PADI2: variants seen among roughly 807,000 people sequenced by gnomAD.
The protein encoded by PADI2 is peptidyl arginine deiminase 2, also known as protein-arginine deiminase type-2.
PADI2 carries 70 observed loss-of-function variants against 81.1 expected under a neutral mutation model. The ratio of observed to expected loss-of-function variants is 0.86; its 90% CI spans 0.71 to 1.05. The LOEUF (loss-of-function observed/expected upper bound fraction) is 1.05, where lower values mean the gene tolerates loss of function less well. Among genes scored for constraint, PADI2 ranks in the 50% least tolerant of loss-of-function variants. The probability of loss-of-function intolerance (pLI) is 0.00; values close to 1 mark genes in which losing one functional copy is unlikely to be tolerated. For missense variants in PADI2, 853 were observed against 889.9 expected (o/e 0.96, Z 0.53); for synonymous variants, 338 against 358.0 (o/e 0.94, Z 0.63).
intron 10 of PADI2, among the ~76,000 whole-genome samples, chr1:17,081,448 A>G (rs1490991949): frequency 1.3e-5 from 2 of 152,248 alleles, no homozygotes; most frequent in Non-Finnish European, 2.9e-5. Flanking sequence ...TCCACCTGAC[A>G]TTCCAAAGCT....
intron 4 of PADI2, among the ~76,000 whole-genome samples, chr1:17,095,251 T>C (rs2746518): frequency 6.6e-6 from 1 of 151,422 alleles, no homozygotes; most frequent in Non-Finnish European, 1.5e-5. Context: ...AAACAGAATG[T>C]GATGGAGAAC....
rs779445292 is a variant in PADI2 at position 17,111,082 on chromosome 1, CT to C, written c.93-6022del. Among the ~76,000 whole-genome samples, 139 of 93,912 alleles carry C rather than the reference CT, an allele frequency of 1.5e-3. 1 individual carries two copies. The highest frequency in any genetic ancestry group is 0.011 in the East Asian group (40 of 3,572). The allele number at this position is 93,912 out of a possible 152,430, so 61.6% of individuals were successfully genotyped here. Reference sequence around the variant, plus strand: ...CCCTGGGCCCATGGAAAAGACAGACCTTTTTTTTTTTTTTTTTTTTTTTGGG... The same window carrying C: ...CCCTGGGCCCATGGAAAAGACAGACCTTTTTTTTTTTTTTTTTTTTTTGGG... On this transcript the variant is annotated intron_variant, in intron 1 of 15. Transcript: ENST00000375486.
At chr1:17,087,049 C>G (rs1930495739) in intron 6 of PADI2, among the ~76,000 whole-genome samples, 1 of 152,148 alleles carries the variant, frequency 6.6e-6, no homozygotes, top group Non-Finnish European at 1.5e-5. Context: ...GATGAGGAAA[C>G]CAATCTCAGA....
At chr1:17,081,297 G>A (rs1024205361) in intron 10 of PADI2, among the ~76,000 whole-genome samples, 22 of 152,294 alleles carry the variant, frequency 1.4e-4, no homozygotes, top group Admixed American at 1.2e-3. Flanking sequence ...CTTATACAAC[G>A]CCTTCAATCT....
At chr1:17,070,957 C>T (rs541809394) in intron 14 of PADI2, among the ~76,000 whole-genome samples, 3 of 152,068 alleles carry the variant, frequency 2.0e-5, no homozygotes, top group African/African-American at 2.4e-5. Flanking sequence ...CCACCAGGCC[C>T]GGCCAAAGTT....
chr1:17,070,144 G>T lies in PADI2; in HGVS notation c.1708C>A (p.Pro570Thr). 6.2e-7 allele frequency: 1 copy of T among 1,614,132 alleles called. No individual in the cohort carries two copies. Among genetic ancestry groups the T allele is most frequent in the East Asian group, 2.2e-5 (1 of 44,876 alleles). ...GLTEQDIIDL[P>T]ALFKMDEDHR... Reference sequence around the variant, plus strand: ...TCCTCGTCCATCTTGAACAGAGCGGGCAGGTCAATGATGTCCTGCTCTGTC... The same window carrying T: ...TCCTCGTCCATCTTGAACAGAGCGGTCAGGTCAATGATGTCCTGCTCTGTC... Residue 570 changes from proline (P) to threonine (T), a missense_variant, in exon 15 of 16, where the codon CCC becomes ACC. Transcript: ENST00000375486.
intron 1 of PADI2, among the ~76,000 whole-genome samples, chr1:17,109,733 C>T (rs974628093): frequency 1.3e-5 from 2 of 152,106 alleles, no homozygotes; most frequent in South Asian, 2.1e-4. Flanking sequence ...TCAAGTGATC[C>T]GTTCGCCTTG....
intron 9 of PADI2, chr1:17,083,452 A>G: frequency 2.4e-6 from 1 of 424,342 alleles, no homozygotes; most frequent in South Asian, 3.7e-5. Context: ...GACTGGCTTC[A>G]TCCTTTTTAG....
chr1:17,069,323 C>A, intron 15 of PADI2, 46 bp from the exon 16 acceptor site: 3 of 1,416,748 alleles, frequency 2.1e-6, no homozygotes, highest in Non-Finnish European at 3.0e-6. Context: ...TTAGTGAGCA[C>A]CTAGTACACA....
In PADI2 at chr1:17,070,215, C is replaced by A; in HGVS notation, c.1637G>T (p.Arg546Leu). The change falls in exon 15 of 16, where the codon CGC (arginine) becomes CTC (leucine). Residue 546 changes from arginine (R) to leucine (L), a missense_variant and splice_region_variant. Arg to Leu is a moderately radical substitution (Grantham distance 102). Coordinates refer to ENST00000375486, the MANE Select transcript of PADI2 (RefSeq NM_007365.3). ...SLVQENLYFQ[R>L]CLDWNRDILK... ...GATGTCACGGTTCCAGTCTAGGCAG[C>A]GCTGGGTAGGAGAAAGGATGGAGGG... 6.2e-7 allele frequency: 1 copy of A among 1,613,644 alleles called. No homozygotes were observed. The highest frequency in any genetic ancestry group is 1.1e-5 in the South Asian group (1 of 91,060).
intron 13 of PADI2, among the ~76,000 whole-genome samples, chr1:17,072,044 A>G (rs2078268108): frequency 6.6e-6 from 1 of 152,246 alleles, no homozygotes; most frequent in South Asian, 2.1e-4. Flanking sequence ...TTTACATTGA[A>G]TTAACTCATG....
In PADI2 at chr1:17,086,695, C is replaced by T. The variant is rs770453434; in HGVS notation, c.660G>A (p.Pro220=). 2.9e-5 allele frequency: 47 copies of T among 1,613,468 alleles called. No homozygotes were observed. The highest frequency in any genetic ancestry group is 5.0e-5 in the Admixed American group (3 of 59,934). The change falls in exon 7 of 16, where the codon CCG becomes CCA. Residue 220 remains proline, a synonymous_variant. Transcript: ENST00000375486. ...TGTGGATATAGCGTTGGCCGAAGAA[C>T]GGGTCTGGAGGGAAAAGGACCAACG... ...DKVGVFYVEN[P]FFGQRYIHIL...
intron 1 of PADI2, among the ~76,000 whole-genome samples, chr1:17,106,270 G>C (rs1372819040): frequency 1.3e-5 from 2 of 152,242 alleles, no homozygotes; most frequent in East Asian, 1.9e-4. Flanking sequence ...AACTCCGAAA[G>C]TATTTCAGAG....
At chr1:17,092,167 G>A (rs1221706399) in intron 6 of PADI2, among the ~76,000 whole-genome samples, 2 of 152,136 alleles carry the variant, frequency 1.3e-5, no homozygotes, top group Non-Finnish European at 2.9e-5. Context: ...TGATTCGTAG[G>A]GAGGAAGGGC....
intron 13 of PADI2, 146 bp from the exon 14 acceptor site, chr1:17,071,637 C>A (rs930323931): frequency 1.6e-6 from 1 of 640,048 alleles, no homozygotes. Flanking sequence ...CACAGGAGGG[C>A]ACTCCCAGGC....
chr1:17,099,733 C>T (rs770316430), intron 3 of PADI2, among the ~76,000 whole-genome samples: 28 of 152,298 alleles, frequency 1.8e-4, no homozygotes, highest in Middle Eastern at 3.4e-3. Flanking sequence ...GAAAAGCAGG[C>T]GGAGCATTGA....
At position 17,095,936 on chromosome 1, in the gene PADI2, A is replaced by C. The variant is rs776167589; in HGVS notation, c.384T>G (p.Gly128=). The change falls in exon 4 of 16, where the codon GGT becomes GGG. Residue 128 remains glycine (G), a synonymous_variant. Coordinates refer to ENST00000375486, the MANE Select transcript of PADI2 (RefSeq NM_007365.3). The part of the protein sequence containing the change: ...ISLDVDADRD[G]VVEKNNPKKA... Reference sequence around the variant, plus strand: ...TCTTTGGGTTGTTCTTCTCCACCACACCATCCCGGTCTGCGTCCACATCCA... The same window carrying C: ...TCTTTGGGTTGTTCTTCTCCACCACCCCATCCCGGTCTGCGTCCACATCCA... 27 of 1,607,962 alleles carry C rather than the reference A, an allele frequency of 1.7e-5. No homozygotes were observed. The highest frequency in any genetic ancestry group is 1.3e-5 in the Non-Finnish European group (15 of 1,177,314).
At position 17,115,230 on chromosome 1, in the gene PADI2, T is replaced by G. The variant is rs1213842257; in HGVS notation, c.92+4050A>C. Among the ~76,000 whole-genome samples, 1 of 152,234 alleles carries G rather than the reference T, an allele frequency of 6.6e-6. No homozygotes were observed. The highest frequency in any genetic ancestry group is 1.5e-5 in the Non-Finnish European group (1 of 68,042). On this transcript the variant is annotated intron_variant, in intron 1 of 15. Coordinates refer to ENST00000375486, the MANE Select transcript of PADI2 (RefSeq NM_007365.3). This position sits in a 1 kb window ranked among gnomAD's most constrained non-coding sequence, Gnocchi z 4.1. ...AGCTGACATTTATCTTCTTTCTGTC[T>G]TCTACTGGGACAATGGCTGGTCAGC...
At chr1:17,110,266 G>C (rs369602328) in intron 1 of PADI2, among the ~76,000 whole-genome samples, 1 of 152,140 alleles carries the variant, frequency 6.6e-6, no homozygotes. Flanking sequence ...GGGGGCTTGG[G>C]GGTGGTTATG....
Sources: allele counts gnomAD v4.1 joint callset (sites outside exome capture counted in the v4.1 genomes callset), GRCh38; gene constraint gnomAD v4.1.1; non-coding constraint Gnocchi (gnomAD v3.1); transcripts MANE v1.5; gene names NCBI Gene and HGNC (gene_info 2026-07-23, HGNC 2026-07-21).